TAF4B: variants seen among roughly 807,000 people sequenced by gnomAD.
TAF4B encodes the protein transcription initiation factor TFIID subunit 4B.
A neutral mutation model predicts 86.4 loss-of-function variants in TAF4B; 38 were observed. That is an observed-to-expected ratio of 0.44 (90% CI 0.34 to 0.58). The LOEUF is 0.58. Among genes scored for constraint, TAF4B ranks in the 20% least tolerant of loss-of-function variants. The probability of loss-of-function intolerance (pLI) is 0.02; values close to 1 mark genes in which losing one functional copy is unlikely to be tolerated. For synonymous variants in TAF4B, 388 were observed against 391.2 expected (o/e 0.99, Z 0.10); for missense variants, 988 against 1,027.6 (o/e 0.96, Z 0.53).
intron 10 of TAF4B, among the ~76,000 whole-genome samples, chr18:26,317,712 T>C (rs2056925761): frequency 6.6e-6 from 1 of 152,174 alleles, no homozygotes. Flanking sequence ...TTCTTTCTGG[T>C]ATTCAGACAG....
intron 10 of TAF4B, among the ~76,000 whole-genome samples, chr18:26,320,495 C>T (rs552049578): frequency 2.6e-5 from 4 of 152,134 alleles, no homozygotes; most frequent in Admixed American, 1.3e-4. Context: ...GTAGGTGAAA[C>T]GATGAGGTTT....
intron 14 of TAF4B, among the ~76,000 whole-genome samples, chr18:26,383,625 T>C (rs1978304202): frequency 6.6e-6 from 1 of 152,206 alleles, no homozygotes; most frequent in Admixed American, 6.5e-5. Context: ...GATCATTAGC[T>C]ATGACAGGCA....
chr18:26,245,229 C>T (rs1056179038), intron 1 of TAF4B, among the ~76,000 whole-genome samples: 5 of 152,120 alleles, frequency 3.3e-5, no homozygotes, highest in East Asian at 1.9e-4. Flanking sequence ...GTCCTTATCA[C>T]GTGGCGATAT....
At chr18:26,240,978 C>T (rs971519700) in intron 1 of TAF4B, among the ~76,000 whole-genome samples, 15 of 152,126 alleles carry the variant, frequency 9.9e-5, no homozygotes, top group Admixed American at 3.3e-4. Flanking sequence ...CTGCTGGATT[C>T]GGTTTGCCAG....
chr18:26,319,540 T>C (rs779334063), intron 10 of TAF4B, among the ~76,000 whole-genome samples: 13 of 152,044 alleles, frequency 8.6e-5, no homozygotes, highest in Non-Finnish European at 1.9e-4. Flanking sequence ...ATTGTACTTT[T>C]TCTTTTATAG....
chr18:26,239,284 A>G (rs1339224742), intron 1 of TAF4B, among the ~76,000 whole-genome samples: 3 of 152,114 alleles, frequency 2.0e-5, no homozygotes, highest in Non-Finnish European at 2.9e-5. Flanking sequence ...TTGCCATTCT[A>G]ACTGGTGTGA....
chr18:26,228,067 T>A (rs578012084), intron 1 of TAF4B, among the ~76,000 whole-genome samples: 1 of 152,288 alleles, frequency 6.6e-6, no homozygotes, highest in East Asian at 1.9e-4. Flanking sequence ...TGTTAATGAG[T>A]CTTTCACTAC....
chr18:26,385,679 G>GTTTTTTTT (rs34188640), intron 14 of TAF4B, among the ~76,000 whole-genome samples: 12 of 109,798 alleles, frequency 1.1e-4, no homozygotes, highest in South Asian at 4.8e-4. Context: ...AATAAACAGC[G>GTTTTTTTT]TTTTTTTTTT....
chr18:26,361,360 A>AG (rs996578550), intron 14 of TAF4B, among the ~76,000 whole-genome samples: 6 of 150,766 alleles, frequency 4.0e-5, no homozygotes, highest in African/African-American at 1.5e-4. Context: ...CCTGGCCTCA[A>AG]GCAGTCCTCC....
chr18:26,276,366 A>G (rs1289847156), intron 5 of TAF4B, among the ~76,000 whole-genome samples: 2 of 152,228 alleles, frequency 1.3e-5, no homozygotes, highest in Non-Finnish European at 2.9e-5. Flanking sequence ...TTCATATTAT[A>G]TGCTTAAGAC....
intron 9 of TAF4B, among the ~76,000 whole-genome samples, chr18:26,312,016 C>G (rs1333634660): frequency 6.6e-6 from 1 of 152,140 alleles, no homozygotes; most frequent in Non-Finnish European, 1.5e-5. Flanking sequence ...GCCTAGTTCC[C>G]TGTAACACTC....
At chr18:26,289,267 C>T (rs2056563614) in intron 7 of TAF4B, among the ~76,000 whole-genome samples, 1 of 152,186 alleles carries the variant, frequency 6.6e-6, no homozygotes, top group Admixed American at 6.5e-5. Context: ...GGAAAACACT[C>T]AAGTTGCTAT....
intron 9 of TAF4B, among the ~76,000 whole-genome samples, chr18:26,296,816 A>G (rs1272889830): frequency 3.3e-5 from 5 of 152,150 alleles, no homozygotes; most frequent in Non-Finnish European, 7.3e-5. Flanking sequence ...AGAGTTTTGC[A>G]TGAGTGGCAT....
chr18:26,376,860 A>C (rs1024044838), intron 14 of TAF4B, among the ~76,000 whole-genome samples: 1 of 151,848 alleles, frequency 6.6e-6, no homozygotes, highest in African/African-American at 2.4e-5. Context: ...TTCTATATTT[A>C]TGGTTTGTTT....
intron 10 of TAF4B, among the ~76,000 whole-genome samples, chr18:26,320,419 G>A (rs962433209): frequency 7.9e-5 from 12 of 152,172 alleles, no homozygotes; most frequent in African/African-American, 2.4e-4. Flanking sequence ...TTGCTAGTTA[G>A]CAGAAGGAAG....
intron 14 of TAF4B, among the ~76,000 whole-genome samples, chr18:26,385,407 T>C (rs1475092177): frequency 1.3e-5 from 2 of 152,186 alleles, no homozygotes; most frequent in Non-Finnish European, 2.9e-5. Flanking sequence ...TTAGGTGAGA[T>C]AAGTTGTTAG....
At chr18:26,277,872 C>T (rs570136036) in intron 5 of TAF4B, among the ~76,000 whole-genome samples, 29 of 152,278 alleles carry the variant, frequency 1.9e-4, no homozygotes, top group African/African-American at 7.0e-4. Flanking sequence ...AATTCACCAA[C>T]CTTATTAGAA....
At chr18:26,290,318 T>C (rs978152881) in intron 7 of TAF4B, among the ~76,000 whole-genome samples, 3 of 152,150 alleles carry the variant, frequency 2.0e-5, no homozygotes. Flanking sequence ...TAAAAAACTT[T>C]TTATTTTGAT....
intron 3 of TAF4B, among the ~76,000 whole-genome samples, chr18:26,272,553 T>C (rs989282328): frequency 2.0e-5 from 3 of 152,104 alleles, no homozygotes; most frequent in African/African-American, 4.8e-5. Context: ...TTGTAAACGA[T>C]AGGACGTTTT....
Sources: gnomAD v4.1 joint callset for allele counts (sites outside exome capture counted in the v4.1 genomes callset) on GRCh38, gnomAD v4.1.1 for gene constraint, MANE v1.5 for transcripts, NCBI Gene and HGNC (gene_info 2026-07-23, HGNC 2026-07-21) for gene names.